Variants in RABGAP1 observed in about 807,000 individuals in gnomAD.
RABGAP1 encodes the protein rab GTPase-activating protein 1.
In RABGAP1, 23 loss-of-function variants were observed where a neutral mutation model predicts 137.6. The ratio of observed to expected loss-of-function variants is 0.17; its 90% confidence interval spans 0.12 to 0.24. The LOEUF (loss-of-function observed/expected upper bound fraction) is 0.24. Among genes scored for constraint, RABGAP1 ranks in the 10% least tolerant of loss-of-function variants. RABGAP1 has a pLI of 1.00. For synonymous variants in RABGAP1, 451 were observed against 450.7 expected, an observed-to-expected ratio of 1.00 and a Z score of -0.01; for missense variants, 906 against 1,275.8, an observed-to-expected ratio of 0.71 and a Z score of 4.42.
chr9:123,083,597 T>G (rs1469361683), intron 19 of RABGAP1, among the ~76,000 whole-genome samples: 1 of 152,196 alleles, frequency 6.6e-6, no homozygotes, highest in Non-Finnish European at 1.5e-5. Context: ...AATACCTAAT[T>G]GTACTTAGTG....
chr9:122,970,073 A>AT (rs1470562391), intron 2 of RABGAP1, among the ~76,000 whole-genome samples: 2 of 94,434 alleles, frequency 2.1e-5, no homozygotes, highest in Non-Finnish European at 3.2e-5. Flanking sequence ...ATATCCGGCT[A>AT]ATTTTTTTTT....
chr9:122,938,302 C>T (rs1268839060), upstream of RABGAP1: 1 of 152,030 alleles, frequency 6.6e-6, no homozygotes, highest in East Asian at 1.9e-4. Context: ...TTAAAATATC[C>T]AAGGGCACCC....
Position 123,101,915 on chromosome 9 carries a change from T to C in RABGAP1, c.3087+152T>C, listed in dbSNP as rs138660025. 331 of 760,854 alleles carry C rather than the reference T, an allele frequency of 4.4e-4. No individual in the cohort carries two copies. In the African/African-American group the frequency reaches 5.6e-3, roughly 13 times the overall value. The allele number at this position is 760,854 out of a possible 1,614,324, so 47.1% of individuals were successfully genotyped here. A position where few individuals can be genotyped will look rare whatever the true frequency, so the allele number is the denominator to read the frequency against. On this transcript the variant is annotated intron_variant, in intron 25 of 25. Coordinates refer to ENST00000373647, the MANE Select transcript of RABGAP1 (RefSeq NM_012197.4). ...TGAGAAGAAATATAGGACTTGTTACTGGCCAGTGGATGTCTCATCAGTATT... is the reference window on the plus strand; with the variant it reads ...TGAGAAGAAATATAGGACTTGTTACCGGCCAGTGGATGTCTCATCAGTATT...
chr9:123,098,880 C>A, intron 23 of RABGAP1, 82 bp downstream of exon 23: 1 of 717,302 alleles, frequency 1.4e-6, no homozygotes. Flanking sequence ...CCCCCACCCC[C>A]AAACCCAAAT....
chr9:123,075,311 C>G (rs890094621), intron 17 of RABGAP1, among the ~76,000 whole-genome samples: 3 of 151,998 alleles, frequency 2.0e-5, no homozygotes, highest in African/African-American at 7.2e-5. Flanking sequence ...TTATGGTTCT[C>G]CTATGTGTAT....
chr9:123,044,308 C>A (rs1259545262), intron 13 of RABGAP1, among the ~76,000 whole-genome samples: 1 of 152,184 alleles, frequency 6.6e-6, no homozygotes, highest in Admixed American at 6.5e-5. Flanking sequence ...TAGAACATTA[C>A]TGAAATAGTA....
chr9:123,099,189 C>T (rs2035269846), intron 23 of RABGAP1, among the ~76,000 whole-genome samples: 1 of 152,176 alleles, frequency 6.6e-6, no homozygotes, highest in South Asian at 2.1e-4. Context: ...GTCTTGTTCC[C>T]TCCTACACTA....
chr9:122,983,175 A>C (rs1588211517), intron 2 of RABGAP1, among the ~76,000 whole-genome samples: 2 of 152,032 alleles, frequency 1.3e-5, no homozygotes, highest in Admixed American at 6.5e-5. Flanking sequence ...GCAAAAAAAA[A>C]AAAAACAAAA....
chr9:122,933,604 C>T, the RABGAP1 span, among the ~76,000 whole-genome samples: 1 of 151,908 alleles, frequency 6.6e-6, no homozygotes, highest in East Asian at 1.9e-4. Flanking sequence ...GGGCGCCTGC[C>T]ACCATGCCCA....
At chr9:122,983,381 G>A (rs911093651) in intron 2 of RABGAP1, among the ~76,000 whole-genome samples, 5 of 152,170 alleles carry the variant, frequency 3.3e-5, no homozygotes, top group Admixed American at 1.3e-4. Flanking sequence ...TAAGGCAAAA[G>A]TAGTTGAAGT....
chr9:122,992,910 A>G (rs1299200273), intron 6 of RABGAP1, among the ~76,000 whole-genome samples: 1 of 151,654 alleles, frequency 6.6e-6, no homozygotes, highest in African/African-American at 2.4e-5. Context: ...AATCCTAGCA[A>G]AATATACCTT....
intron 13 of RABGAP1, chr9:123,033,787 T>C (rs981596437): frequency 5.3e-5 from 8 of 152,216 alleles, no homozygotes; most frequent in Admixed American, 5.2e-4. Context: ...TGTTGAAATG[T>C]TTTCAAAGAG....
chr9:122,954,968 T>A (rs1169113886), intron 1 of RABGAP1, among the ~76,000 whole-genome samples: 1 of 152,176 alleles, frequency 6.6e-6, no homozygotes, highest in Non-Finnish European at 1.5e-5. Context: ...TAATAGATGC[T>A]GTAGAAAAAT....
intron 13 of RABGAP1, among the ~76,000 whole-genome samples, chr9:123,060,101 T>C (rs1327611405): frequency 1.3e-5 from 2 of 152,192 alleles, no homozygotes; most frequent in Non-Finnish European, 2.9e-5. Flanking sequence ...TGTTGAGAAA[T>C]GTTGGTGGAG....
At chr9:122,956,961 A>G in intron 1 of RABGAP1, 50 bp from the exon 2 acceptor site, 2 of 995,884 alleles carry the variant, frequency 2.0e-6, no homozygotes, top group Non-Finnish European at 2.7e-6. Flanking sequence ...GTGTAATTGA[A>G]TATCTGGCAG....
rs1484913037 is a variant in RABGAP1 at position 123,056,524 on chromosome 9, G to T, written c.1795-8824G>T. ...AATTGATCATTCTTGGGTGTTTCTT[G>T]CAGAGTGGGATTTGGCAGGGTCATG... On this transcript the variant is annotated intron_variant, in intron 13 of 25. Coordinates refer to ENST00000373647, the MANE Select transcript of RABGAP1 (RefSeq NM_012197.4). Among the ~76,000 whole-genome samples the T allele has an allele frequency of 5.7e-5, 8 of 139,478 alleles. No individual in the cohort carries two copies. In the East Asian group the frequency reaches 1.0e-3, roughly 18 times the overall value. 91.5% of individuals were successfully genotyped at this position (139,478 alleles called of 152,430 possible).
At chr9:122,949,807 A>G (rs1834135964) in intron 1 of RABGAP1, among the ~76,000 whole-genome samples, 1 of 152,122 alleles carries the variant, frequency 6.6e-6, no homozygotes, top group African/African-American at 2.4e-5. Flanking sequence ...GCCCTAGAAG[A>G]CAATAACACT....
intron 13 of RABGAP1, among the ~76,000 whole-genome samples, chr9:123,041,981 A>G (rs1014428835): frequency 5.3e-5 from 8 of 152,204 alleles, no homozygotes; most frequent in African/African-American, 1.9e-4. Flanking sequence ...CAAGCAGGCA[A>G]CTGGTTTTCA....
At chr9:122,934,678 AT>A in the RABGAP1 span, among the ~76,000 whole-genome samples, 4 of 149,312 alleles carry the variant, frequency 2.7e-5, no homozygotes, top group African/African-American at 9.9e-5. Flanking sequence ...CCTTTATTTT[AT>A]TTTATTTTAT....
Sources: allele counts gnomAD v4.1 joint callset (sites outside exome capture counted in the v4.1 genomes callset), GRCh38; gene constraint gnomAD v4.1.1; transcripts MANE v1.5; gene names NCBI Gene and HGNC (gene_info 2026-07-23, HGNC 2026-07-21).